The following RNF144A variants were observed in gnomAD, a reference collection of about 807,000 sequenced individuals.
RNF144A encodes the protein ring finger protein 144A.
RNF144A carries 11 observed loss-of-function variants against 38.7 expected under a neutral mutation model. The ratio of observed to expected loss-of-function variants is 0.28; its 90% CI spans 0.18 to 0.47. The LOEUF (loss-of-function observed/expected upper bound fraction) is 0.47. Among genes scored for constraint, RNF144A ranks in the 20% least tolerant of loss-of-function variants. The pLI is 0.99. For missense variants in RNF144A, 316 were observed against 377.2 expected (o/e 0.84, Z 1.34); for synonymous variants, 149 against 143.9 (o/e 1.04, Z -0.25).
intron 2 of RNF144A, among the ~76,000 whole-genome samples, chr2:6,945,361 C>T (rs143564056): frequency 5.3e-4 from 81 of 151,790 alleles, no homozygotes; most frequent in African/African-American, 1.8e-3. Context: ...CCACATTTTC[C>T]ACATTTAGCT....
intron 2 of RNF144A, among the ~76,000 whole-genome samples, chr2:6,957,107 A>G (rs1667054712): frequency 6.6e-6 from 1 of 152,144 alleles, no homozygotes; most frequent in Non-Finnish European, 1.5e-5. Flanking sequence ...CTTTGGTGGC[A>G]TGGTTTCTCA....
In RNF144A at chr2:6,957,833, A is replaced by G. The variant is rs138518668; in HGVS notation, c.-12+16686A>G. On this transcript the variant is annotated intron_variant, in intron 2 of 8. Coordinates refer to ENST00000320892, the MANE Select transcript of RNF144A (RefSeq NM_014746.6). ...CTTGTTTCCTCCTACCCCTTTTCCA[A>G]TCTTAGCACTCTATATTGCCTTGCA... is the stretch of plus-strand genomic sequence containing the variant. Among the ~76,000 whole-genome samples the G allele has an allele frequency of 8.5e-5, 13 of 152,234 alleles. No homozygotes were observed. In the East Asian group the frequency reaches 2.5e-3, roughly 29 times the overall value.
intron 2 of RNF144A, among the ~76,000 whole-genome samples, chr2:6,956,005 C>T (rs529727618): frequency 6.6e-6 from 1 of 152,302 alleles, no homozygotes; most frequent in South Asian, 2.1e-4. Flanking sequence ...AGAGTGAGTA[C>T]AAAATCCGTA....
At chr2:6,985,926 G>A (rs1026415250) in intron 2 of RNF144A, among the ~76,000 whole-genome samples, 1 of 152,050 alleles carries the variant, frequency 6.6e-6, no homozygotes, top group African/African-American at 2.4e-5. Context: ...CGCCCACCTC[G>A]GCCTCCCAAA....
intron 2 of RNF144A, among the ~76,000 whole-genome samples, chr2:6,945,182 A>C (rs1666251665): frequency 6.6e-6 from 1 of 152,228 alleles, no homozygotes; most frequent in South Asian, 2.1e-4. Context: ...CTTTAGGGCA[A>C]AGGTCATTTT....
intron 2 of RNF144A, among the ~76,000 whole-genome samples, chr2:6,985,262 T>TC (rs1332100947): frequency 1.7e-5 from 2 of 120,234 alleles, no homozygotes; most frequent in African/African-American, 3.2e-5. Flanking sequence ...TTCATCTCCC[T>TC]CCCCCCTCTT....
At chr2:6,974,567 T>G (rs1372051809) in intron 2 of RNF144A, among the ~76,000 whole-genome samples, 1 of 152,206 alleles carries the variant, frequency 6.6e-6, no homozygotes, top group Non-Finnish European at 1.5e-5. Flanking sequence ...CTTTTTTTTT[T>G]TCTTATGGGA....
downstream of RNF144A, among the ~76,000 whole-genome samples, chr2:7,069,431 T>G (rs984067961): frequency 1.3e-5 from 2 of 152,242 alleles, no homozygotes; most frequent in Non-Finnish European, 2.9e-5. Flanking sequence ...ATTCCAGCAT[T>G]GCCTATTTTC....
In RNF144A at chr2:6,943,598, G is replaced by C. The variant is rs1666154293; in HGVS notation, c.-12+2451G>C. The stretch of plus-strand genomic sequence containing the variant: ...AAATATTGATTGTGTGGGATGGAGG[G>C]CTGCTGAAAACACTTCTTGAGTAGG... On this transcript the variant is annotated intron_variant, in intron 2 of 8. Coordinates refer to ENST00000320892, the MANE Select transcript of RNF144A (RefSeq NM_014746.6). The surrounding 1 kb of genome is among the most constrained non-coding windows in gnomAD (Gnocchi z 4.3). Among the ~76,000 whole-genome samples the C allele has an allele frequency of 6.6e-6, 1 of 152,158 alleles. No homozygotes were observed. The highest frequency in any genetic ancestry group is 2.4e-5 in the African/African-American group (1 of 41,428).
intron 1 of RNF144A, among the ~76,000 whole-genome samples, chr2:6,925,073 G>A (rs945099438): frequency 6.6e-6 from 1 of 152,244 alleles, no homozygotes; most frequent in Admixed American, 6.5e-5. Context: ...ATGCACTGGA[G>A]CTTTGTAGCC....
intron 3 of RNF144A, among the ~76,000 whole-genome samples, chr2:7,007,640 A>G (rs1262364489): frequency 2.6e-5 from 4 of 152,110 alleles, no homozygotes; most frequent in Non-Finnish European, 5.9e-5. Flanking sequence ...GAGTGCATAT[A>G]TATTTGTTGA....
chr2:6,996,704 G>C lies in RNF144A; in HGVS notation c.-11-212G>C. 14 of 544,340 alleles carry C rather than the reference G, an allele frequency of 2.6e-5. No homozygotes were observed. The South Asian group carries it at 3.0e-4, about 12-fold the overall frequency. 33.7% of individuals were successfully genotyped at this position (544,340 alleles called of 1,614,324 possible). ...ATGAGGCGGAGGTTGCAGTGAGCTA[G>C]ATTGCACCACTGTACTCCAACCTGG... On this transcript the variant is annotated intron_variant, in intron 2 of 8. Coordinates refer to ENST00000320892, the MANE Select transcript of RNF144A (RefSeq NM_014746.6).
intron 1 of RNF144A, among the ~76,000 whole-genome samples, chr2:6,931,838 G>C (rs1372389425): frequency 6.6e-6 from 1 of 152,150 alleles, no homozygotes; most frequent in African/African-American, 2.4e-5. Flanking sequence ...TTACATTTAA[G>C]TTGTGTTTTG....
intron 5 of RNF144A, among the ~76,000 whole-genome samples, chr2:7,015,776 G>C (rs1277846223): frequency 6.6e-6 from 1 of 152,152 alleles, no homozygotes; most frequent in Non-Finnish European, 1.5e-5. Context: ...CTTGCAGGCG[G>C]ATTCTGAGTT....
intron 2 of RNF144A, among the ~76,000 whole-genome samples, chr2:6,947,880 G>A (rs1666439986): frequency 6.6e-6 from 1 of 152,194 alleles, no homozygotes; most frequent in African/African-American, 2.4e-5. Flanking sequence ...TATACAATGG[G>A]AATGGCAGAT....
intron 3 of RNF144A, among the ~76,000 whole-genome samples, chr2:7,011,236 A>G (rs1670776986): frequency 6.6e-6 from 1 of 152,242 alleles, no homozygotes; most frequent in Admixed American, 6.5e-5. Context: ...AGCTCAGCGT[A>G]TTCATCATCT....
chr2:6,936,520 AG>A (rs1665594405), intron 1 of RNF144A, among the ~76,000 whole-genome samples: 1 of 152,224 alleles, frequency 6.6e-6, no homozygotes, highest in African/African-American at 2.4e-5. Context: ...CTGCTATTTT[AG>A]AGCCTTTATT....
intron 2 of RNF144A, among the ~76,000 whole-genome samples, chr2:6,977,121 G>T (rs1281074400): frequency 6.6e-6 from 1 of 152,182 alleles, no homozygotes; most frequent in Non-Finnish European, 1.5e-5. Flanking sequence ...GTTACCATTA[G>T]CCATGTTTAT....
intron 6 of RNF144A, among the ~76,000 whole-genome samples, chr2:7,023,348 C>T (rs1400082413): frequency 6.6e-6 from 1 of 152,138 alleles, no homozygotes; most frequent in Non-Finnish European, 1.5e-5. Flanking sequence ...TGTGAGAGAT[C>T]CTTCAGCCAG....
Sources: gnomAD v4.1 joint callset for allele counts (sites outside exome capture counted in the v4.1 genomes callset) on GRCh38, gnomAD v4.1.1 for gene constraint, Gnocchi (gnomAD v3.1) non-coding constraint, MANE v1.5 for transcripts, NCBI Gene and HGNC (gene_info 2026-07-23, HGNC 2026-07-21) for gene names.